GUCA1C: variants seen among roughly 807,000 people sequenced by gnomAD.
GUCA1C encodes the protein guanylyl cyclase-activating protein 3.
In GUCA1C, 15 loss-of-function variants were observed where a neutral mutation model predicts 16.2. The observed-to-expected ratio is 0.93, with a 90% confidence interval of 0.62 to 1.43. The LOEUF (loss-of-function observed/expected upper bound fraction) is 1.43. Ranked by LOEUF, GUCA1C falls within the 40% of genes most tolerant of loss-of-function variation. The pLI is 0.00. For synonymous variants in GUCA1C, 78 were observed against 85.4 expected, an observed-to-expected ratio of 0.91 and a Z score of 0.48; for missense variants, 275 against 244.8, an observed-to-expected ratio of 1.12 and a Z score of -0.82.
intron 1 of GUCA1C, among the ~76,000 whole-genome samples, chr3:108,937,604 C>A (rs1174039318): frequency 6.6e-6 from 1 of 152,108 alleles, no homozygotes; most frequent in South Asian, 2.1e-4. Flanking sequence ...ACATAATAAA[C>A]GTTATCATGA....
intron 1 of GUCA1C, among the ~76,000 whole-genome samples, chr3:108,922,692 C>A (rs1023221169): frequency 6.6e-6 from 1 of 151,996 alleles, no homozygotes; most frequent in Non-Finnish European, 1.5e-5. Context: ...TATTATTATA[C>A]TTTAAATTCT....
chr3:108,954,739 T>C (rs936044692), upstream of GUCA1C, among the ~76,000 whole-genome samples: 2 of 147,570 alleles, frequency 1.4e-5, no homozygotes, highest in Non-Finnish European at 3.0e-5. Flanking sequence ...GTTCTCCTTT[T>C]TTTTTTTTTT....
chr3:108,946,821 A>C (rs923275726), intron 1 of GUCA1C, among the ~76,000 whole-genome samples: 1 of 151,634 alleles, frequency 6.6e-6, no homozygotes. Flanking sequence ...AAAAAAATGA[A>C]GACTTGAGAG....
intron 3 of GUCA1C, among the ~76,000 whole-genome samples, chr3:108,910,824 TA>T (rs1169532022): frequency 6.6e-6 from 1 of 151,636 alleles, no homozygotes; most frequent in Non-Finnish European, 1.5e-5. Context: ...TAATTTTTTG[TA>T]ATTTTTGGTA....
intron 2 of GUCA1C, among the ~76,000 whole-genome samples, chr3:108,919,807 A>G (rs372729942): frequency 2.6e-5 from 4 of 152,182 alleles, no homozygotes; most frequent in South Asian, 4.1e-4. Context: ...TACAAATTCA[A>G]TGTCTTGAAT....
At chr3:108,950,876 G>A (rs959778667) in intron 1 of GUCA1C, among the ~76,000 whole-genome samples, 4 of 152,110 alleles carry the variant, frequency 2.6e-5, no homozygotes, top group Non-Finnish European at 5.9e-5. Flanking sequence ...TTAACATTAG[G>A]AAACAGCTCC....
At position 108,953,686 on chromosome 3, in the gene GUCA1C, A is replaced by G. The variant is rs1163322165; in HGVS notation, c.77T>C (p.Phe26Ser). Reference protein sequence around the residue: ...TQETHVWYRTFMMEYPSGLQT... With the variant: ...TQETHVWYRTSMMEYPSGLQT... ...CAGGCCGGATGGATATTCCATCATA[A>G]ATGTTCTGTACCACACATGGGTCTC... is the stretch of plus-strand genomic sequence containing the variant. Residue 26 changes from phenylalanine to serine, a missense_variant, in exon 1 of 4, where the codon TTT (phenylalanine) becomes TCT (serine). Transcript: ENST00000261047. 5.0e-6 allele frequency: 8 copies of G among 1,612,986 alleles called. No individual in the cohort carries two copies. Among genetic ancestry groups the G allele is most frequent in the Non-Finnish European group, 6.8e-6 (8 of 1,179,074 alleles).
chr3:108,924,354 G>T (rs533511578), intron 1 of GUCA1C, among the ~76,000 whole-genome samples: 7 of 152,018 alleles, frequency 4.6e-5, no homozygotes, highest in Non-Finnish European at 4.4e-5. Flanking sequence ...AATCATAAAG[G>T]GATGCTAGAT....
chr3:108,924,267 T>C (rs1057079281), intron 1 of GUCA1C, among the ~76,000 whole-genome samples: 1 of 152,206 alleles, frequency 6.6e-6, no homozygotes, highest in Non-Finnish European at 1.5e-5. Flanking sequence ...CAGTATGATG[T>C]TGGCTGTGGG....
intron 1 of GUCA1C, among the ~76,000 whole-genome samples, chr3:108,938,018 C>T (rs574083219): frequency 2.6e-5 from 4 of 151,340 alleles, no homozygotes; most frequent in South Asian, 2.1e-4. Context: ...TGCAGTGAGC[C>T]GAGATCGCAC....
chr3:108,954,780 A>G (rs182799900), upstream of GUCA1C, among the ~76,000 whole-genome samples: 251 of 139,204 alleles, frequency 1.8e-3, 1 homozygote, highest in African/African-American at 6.2e-3. Context: ...TCTGTCCCTC[A>G]GGCTGGAGTG....
chr3:108,923,066 C>T (rs968489285), intron 1 of GUCA1C, among the ~76,000 whole-genome samples: 2 of 152,074 alleles, frequency 1.3e-5, no homozygotes, highest in African/African-American at 4.8e-5. Flanking sequence ...TGTAGATTCT[C>T]GCTATTAGTC....
At chr3:108,931,866 T>C (rs2715682) in intron 1 of GUCA1C, among the ~76,000 whole-genome samples, 42,232 of 116,938 alleles carry the variant, frequency 0.36, 8,487 homozygotes, top group Non-Finnish European at 0.39. Flanking sequence ...TTCTTCCTTC[T>C]TTTTTTTTTT....
chr3:108,947,104 T>C (rs1483513974), intron 1 of GUCA1C, among the ~76,000 whole-genome samples: 2 of 152,170 alleles, frequency 1.3e-5, no homozygotes, highest in Non-Finnish European at 2.9e-5. Flanking sequence ...CACAATGTAT[T>C]AACTACTAAC....
chr3:108,915,588 T>A (rs1347384423), intron 3 of GUCA1C, among the ~76,000 whole-genome samples: 2 of 151,900 alleles, frequency 1.3e-5, no homozygotes, highest in East Asian at 3.9e-4. Context: ...GATGGAGAAA[T>A]AATCAGAGCA....
intron 3 of GUCA1C, among the ~76,000 whole-genome samples, chr3:108,913,229 A>G (rs557979244): frequency 1.1e-5 from 1 of 91,350 alleles, no homozygotes; most frequent in East Asian, 2.1e-4. Flanking sequence ...TTTGAGAAAT[A>G]AATATATATA....
At chr3:108,913,408 G>A (rs2107275141) in intron 3 of GUCA1C, among the ~76,000 whole-genome samples, 1 of 152,102 alleles carries the variant, frequency 6.6e-6, no homozygotes, top group South Asian at 2.1e-4. Context: ...CTCCTCTGTG[G>A]TGCTAATTCC....
chr3:108,917,728 T>C (rs1429345223), intron 2 of GUCA1C, among the ~76,000 whole-genome samples: 1 of 152,148 alleles, frequency 6.6e-6, no homozygotes, highest in South Asian at 2.1e-4. Flanking sequence ...TGATTCCAGC[T>C]GGTCCCTTTC....
rs534862586 is a variant in GUCA1C, at chr3:108,935,653, G to A, written c.205-15068C>T. Among the ~76,000 whole-genome samples the A allele has an allele frequency of 2.6e-5, 4 of 152,040 alleles. No homozygotes were observed. In the South Asian group the frequency reaches 6.2e-4, roughly 24 times the overall value. On this transcript the variant is annotated intron_variant, in intron 1 of 3. Transcript: ENST00000261047. ...GGAGGTTACAGTGAGCCAAGATTGC[G>A]CCACTGCACTCCAGCCTGGGCAACA...
Sources: gnomAD v4.1 joint callset for allele counts (sites outside exome capture counted in the v4.1 genomes callset) on GRCh38, gnomAD v4.1.1 for gene constraint, MANE v1.5 for transcripts, NCBI Gene and HGNC (gene_info 2026-07-23, HGNC 2026-07-21) for gene names.